Variants in SPAG9 observed in about 807,000 individuals in gnomAD.
SPAG9 encodes C-Jun-amino-terminal kinase-interacting protein 4.
SPAG9 carries 35 observed loss-of-function variants against 166.5 expected under a neutral mutation model. That is an observed-to-expected ratio of 0.21 (90% CI 0.16 to 0.28). The LOEUF is 0.28. Among genes scored for constraint, SPAG9 ranks in the 10% least tolerant of loss-of-function variants. The pLI is 1.00. For missense variants in SPAG9, 1,235 were observed against 1,603.3 expected (o/e 0.77, Z 3.92); for synonymous variants, 534 against 565.5 (o/e 0.94, Z 0.79).
intron 9 of SPAG9, among the ~76,000 whole-genome samples, chr17:51,010,369 A>G (rs1455167845): frequency 6.6e-6 from 1 of 152,084 alleles, no homozygotes; most frequent in Non-Finnish European, 1.5e-5. Flanking sequence ...GCAACAGTGA[A>G]CAAAGACACA....
chr17:50,968,499 G>C (rs944164065), intron 29 of SPAG9, among the ~76,000 whole-genome samples: 5 of 152,160 alleles, frequency 3.3e-5, no homozygotes, highest in Non-Finnish European at 7.4e-5. Flanking sequence ...GGGAGGCTGA[G>C]GCAGGTGGAC....
In SPAG9 at chr17:51,017,301, C is replaced by T. The variant is rs908048351; in HGVS notation, c.1091+2858G>A. Among the ~76,000 whole-genome samples, 39 of 152,112 alleles carry T rather than the reference C, an allele frequency of 2.6e-4. 1 individual carries two copies. The highest frequency in any genetic ancestry group is 9.2e-4 in the African/African-American group (38 of 41,408). On this transcript the variant is annotated intron_variant, in intron 8 of 29. Transcript: ENST00000262013. ...AGGACTACATTTTCTCACAGAATCT[C>T]AGCTGAAAAAGGGAGGGATGAAGGA...
rs1435912439 is a variant in SPAG9, at chr17:50,966,290, C to G, written c.3948G>C (p.Val1316=). 3.1e-6 allele frequency: 5 copies of G among 1,611,782 alleles called. No homozygotes were observed. The highest frequency in any genetic ancestry group is 1.3e-5 in the African/African-American group (1 of 74,816). The change falls in exon 30 of 30, where the codon GTG becomes GTC. Residue 1316 remains valine (V), a synonymous_variant. Transcript: ENST00000262013. ...AERSHLIVWQ[V]MYGNE is the part of the protein sequence containing the mutation. ...CATGGGCTCACTCATTGCCATACAT[C>G]ACTTGCCACACTATCAAGTGACTCC...
At chr17:50,994,125 C>T (rs1488873620) in intron 18 of SPAG9, among the ~76,000 whole-genome samples, 190 bp from the exon 19 acceptor site, 2 of 152,130 alleles carry the variant, frequency 1.3e-5, no homozygotes, top group Non-Finnish European at 1.5e-5. Context: ...TGTATCTCCC[C>T]GAATTCCCAC....
chr17:51,086,397 T>C (rs1598154579), intron 1 of SPAG9, among the ~76,000 whole-genome samples: 1 of 151,878 alleles, frequency 6.6e-6, no homozygotes, highest in South Asian at 2.1e-4. Flanking sequence ...TCCTAGCACT[T>C]TGGGAGGCCG....
intron 1 of SPAG9, among the ~76,000 whole-genome samples, chr17:51,116,628 G>A (rs1202446486): frequency 1.3e-5 from 2 of 152,034 alleles, no homozygotes; most frequent in South Asian, 2.1e-4. Context: ...GCCCAGTGTG[G>A]TAACGCATGT....
intron 1 of SPAG9, among the ~76,000 whole-genome samples, chr17:51,107,087 G>A (rs1431446635): frequency 2.0e-5 from 3 of 149,048 alleles, no homozygotes; most frequent in East Asian, 3.9e-4. Flanking sequence ...GGGCAAGAGC[G>A]AGTGCTCCAT....
chr17:50,998,160 T>C (rs1004014549), intron 15 of SPAG9, among the ~76,000 whole-genome samples: 1 of 150,596 alleles, frequency 6.6e-6, no homozygotes, highest in African/African-American at 2.4e-5. Flanking sequence ...GCCTCCCAAG[T>C]AGCTGTGATT....
intron 2 of SPAG9, among the ~76,000 whole-genome samples, chr17:51,071,992 G>A (rs868766288): frequency 1.6e-4 from 24 of 152,248 alleles, no homozygotes; most frequent in African/African-American, 5.5e-4. Flanking sequence ...CAGGTACTGC[G>A]AACAGTCATC....
chr17:51,111,598 T>TG (rs1191087381), intron 1 of SPAG9, among the ~76,000 whole-genome samples: 4 of 152,126 alleles, frequency 2.6e-5, no homozygotes, highest in Non-Finnish European at 5.9e-5. Context: ...TTGTGATTTT[T>TG]TTTTGTTTTG....
chr17:51,087,761 G>A (rs972786189), intron 1 of SPAG9, among the ~76,000 whole-genome samples: 30 of 152,076 alleles, frequency 2.0e-4, no homozygotes, highest in African/African-American at 7.2e-4. Flanking sequence ...TAGAGATGAG[G>A]TGTTGTTCTG....
chr17:51,079,491 G>T, intron 2 of SPAG9, 93 bp downstream of exon 2: 1 of 1,188,370 alleles, frequency 8.4e-7, no homozygotes. Flanking sequence ...CTCCTACCTC[G>T]GCCTCCCAAA....
chr17:51,020,603 G>A lies in SPAG9; in HGVS notation c.992-345C>T, dbSNP rs867388171. Among the ~76,000 whole-genome samples, 11 of 152,270 alleles carry A rather than the reference G, an allele frequency of 7.2e-5. No individual in the cohort carries two copies. The South Asian group carries it at 1.9e-3, about 26-fold the overall frequency. Reference sequence around the variant, plus strand: ...GGGGACAGAAAAGAACTGTCCTCCCGTCTTTTGGGTTCTGTGACCTCCTGG... The same window carrying A: ...GGGGACAGAAAAGAACTGTCCTCCCATCTTTTGGGTTCTGTGACCTCCTGG... On this transcript the variant is annotated intron_variant, in intron 7 of 29. Coordinates refer to ENST00000262013, the MANE Select transcript of SPAG9 (RefSeq NM_001130528.3).
At chr17:51,080,753 T>C (rs1372358439) in intron 1 of SPAG9, among the ~76,000 whole-genome samples, 1 of 151,646 alleles carries the variant, frequency 6.6e-6, no homozygotes, top group African/African-American at 2.4e-5. Context: ...TGGTGGCACG[T>C]TCCTGTAATC....
intron 3 of SPAG9, among the ~76,000 whole-genome samples, chr17:51,053,705 A>G (rs1291318902): frequency 6.7e-6 from 1 of 149,576 alleles, no homozygotes. Context: ...AAAAATTGGC[A>G]TGCACGTGTG....
chr17:51,013,011 G>A (rs1020900158), intron 9 of SPAG9, among the ~76,000 whole-genome samples: 1 of 152,042 alleles, frequency 6.6e-6, no homozygotes, highest in Non-Finnish European at 1.5e-5. Flanking sequence ...GATTACAGGC[G>A]TGAGCCACTG....
At chr17:51,026,342 A>T (rs1420355837) in intron 6 of SPAG9, among the ~76,000 whole-genome samples, 5 of 151,732 alleles carry the variant, frequency 3.3e-5, no homozygotes, top group Admixed American at 1.3e-4. Context: ...AAAAAAAAAA[A>T]AAATAACCAG....
chr17:51,100,743 A>T (rs944128848), intron 1 of SPAG9, among the ~76,000 whole-genome samples: 1 of 152,072 alleles, frequency 6.6e-6, no homozygotes, highest in Non-Finnish European at 1.5e-5. Context: ...AACATGGAGA[A>T]ACCCCCTCTC....
At chr17:50,990,125 T>C in intron 20 of SPAG9, 1 of 540,468 alleles carries the variant, frequency 1.9e-6, no homozygotes, top group Non-Finnish European at 3.3e-6. Context: ...CCTCCCAGGT[T>C]CACGCCATTC....
Sources: gnomAD v4.1 joint callset for allele counts (sites outside exome capture counted in the v4.1 genomes callset) on GRCh38, gnomAD v4.1.1 for gene constraint, MANE v1.5 for transcripts, NCBI Gene and HGNC (gene_info 2026-07-23, HGNC 2026-07-21) for gene names.